SUGCT: variants seen among roughly 807,000 people sequenced by gnomAD.
SUGCT encodes succinyl-CoA:glutarate-CoA transferase, also known as succinyl-CoA:glutarate CoA-transferase.
In SUGCT, 41 loss-of-function variants were observed where a neutral mutation model predicts 55.0. The observed-to-expected ratio is 0.74, with a 90% CI of 0.58 to 0.97. The LOEUF (loss-of-function observed/expected upper bound fraction) is 0.97, where lower values mean the gene tolerates loss of function less well. Ranked by LOEUF, SUGCT falls within the 50% of genes least tolerant of loss-of-function variation. SUGCT has a pLI of 0.00. For synonymous variants in SUGCT, 187 were observed against 200.4 expected (o/e 0.93, Z 0.56); for missense variants, 568 against 547.8 (o/e 1.04, Z -0.37).
At chr7:40,709,369 T>C (rs1354912684) in intron 12 of SUGCT, among the ~76,000 whole-genome samples, 2 of 152,170 alleles carry the variant, frequency 1.3e-5, no homozygotes, top group Non-Finnish European at 2.9e-5. Flanking sequence ...CAGGATTTAA[T>C]GAGGGAGCAG....
chr7:40,370,638 G>C (rs1399075214), intron 9 of SUGCT, among the ~76,000 whole-genome samples: 1 of 144,840 alleles, frequency 6.9e-6, no homozygotes, highest in African/African-American at 2.5e-5. Context: ...GAGAGAGAGT[G>C]GGGGACAGAG....
intron 12 of SUGCT, among the ~76,000 whole-genome samples, chr7:40,727,995 G>A (rs866294420): frequency 3.3e-5 from 5 of 152,180 alleles, no homozygotes; most frequent in Middle Eastern, 6.8e-3. Context: ...TTACCAATTA[G>A]ATACTACAAG....
At chr7:40,341,550 A>G (rs1429053308) in intron 9 of SUGCT, among the ~76,000 whole-genome samples, 1 of 152,236 alleles carries the variant, frequency 6.6e-6, no homozygotes, top group African/African-American at 2.4e-5. Context: ...CACACAATGA[A>G]GTTTCTAAAG....
At chr7:40,694,191 G>C (rs1412086364) in intron 12 of SUGCT, among the ~76,000 whole-genome samples, 1 of 152,192 alleles carries the variant, frequency 6.6e-6, no homozygotes, top group Non-Finnish European at 1.5e-5. Context: ...CCCCAAGTGT[G>C]AATGAGGAAG....
chr7:40,983,975 C>T, the SUGCT span, among the ~76,000 whole-genome samples: 3 of 152,052 alleles, frequency 2.0e-5, no homozygotes, highest in Admixed American at 6.6e-5. Flanking sequence ...CCTGTAGGAA[C>T]CAAGGGGGCC....
At chr7:40,234,942 A>G (rs1447100505) in intron 6 of SUGCT, among the ~76,000 whole-genome samples, 1 of 152,094 alleles carries the variant, frequency 6.6e-6, no homozygotes, top group Non-Finnish European at 1.5e-5. Context: ...AAAGAAAAAG[A>G]TAATGGTTTT....
At chr7:40,443,302 T>A (rs1245241599) in intron 9 of SUGCT, among the ~76,000 whole-genome samples, 1 of 152,196 alleles carries the variant, frequency 6.6e-6, no homozygotes, top group Non-Finnish European at 1.5e-5. Context: ...CACCACCCTG[T>A]CTTCCACAAT....
At chr7:40,649,681 G>GTAA in intron 12 of SUGCT, among the ~76,000 whole-genome samples, 1 of 152,234 alleles carries the variant, frequency 6.6e-6, no homozygotes, top group East Asian at 1.9e-4. Flanking sequence ...GAGACATAAT[G>GTAA]GTATTAATAT....
At chr7:40,376,753 T>TG (rs1784568029) in intron 9 of SUGCT, among the ~76,000 whole-genome samples, 1 of 151,582 alleles carries the variant, frequency 6.6e-6, no homozygotes. Context: ...ACTCTTTTTT[T>TG]TTTTAACAGT....
intron 8 of SUGCT, among the ~76,000 whole-genome samples, chr7:40,285,069 T>C (rs1001601562): frequency 1.3e-5 from 2 of 152,138 alleles, no homozygotes; most frequent in Non-Finnish European, 2.9e-5. Flanking sequence ...TAATTACTAG[T>C]GGGAGAATAT....
chr7:40,710,993 C>G (rs1785682822), intron 12 of SUGCT, among the ~76,000 whole-genome samples: 2 of 152,148 alleles, frequency 1.3e-5, no homozygotes, highest in Admixed American at 6.5e-5. Flanking sequence ...GTGTCGTTGC[C>G]TGAGTTGGTT....
Position 40,211,079 on chromosome 7 carries a change from C to T in SUGCT, c.484+16019C>T, listed in dbSNP as rs139664942. Among the ~76,000 whole-genome samples the T allele has an allele frequency of 9.0e-3, 1,359 of 150,724 alleles. 18 individuals carry two copies. The highest frequency in any genetic ancestry group is 0.016 in the South Asian group (78 of 4,736). On this transcript the variant is annotated intron_variant, in intron 6 of 13. Coordinates refer to ENST00000335693, the MANE Select transcript of SUGCT (RefSeq NM_001193313.2). ...GTAACCTCCACCTCCTGGGTTCAAG[C>T]GATTCTTGTGCCTGTCTCTCGAGTA...
At chr7:40,533,137 T>A (rs1794182832) in intron 12 of SUGCT, among the ~76,000 whole-genome samples, 1 of 152,160 alleles carries the variant, frequency 6.6e-6, no homozygotes, top group Non-Finnish European at 1.5e-5. Flanking sequence ...AATTTTGTGT[T>A]AAAAACAGAA....
At chr7:40,816,456 A>G (rs939245781) in intron 13 of SUGCT, among the ~76,000 whole-genome samples, 8 of 152,124 alleles carry the variant, frequency 5.3e-5, no homozygotes, top group African/African-American at 1.7e-4. Flanking sequence ...TTGGATCTCC[A>G]CTGGAAAGGT....
At chr7:40,525,096 A>G (rs1793731714) in intron 12 of SUGCT, among the ~76,000 whole-genome samples, 1 of 152,234 alleles carries the variant, frequency 6.6e-6, no homozygotes, top group Non-Finnish European at 1.5e-5. Context: ...TAAATTCAAT[A>G]TAACAGAATA....
chr7:40,189,513 AATAT>A (rs563908901), intron 4 of SUGCT, 27 bp from the exon 5 acceptor site: 22 of 812,330 alleles, frequency 2.7e-5, no homozygotes, highest in South Asian at 8.3e-5. Context: ...TCATCGAAAT[AATAT>A]ATATATATAT....
chr7:40,452,097 T>A (rs1040437123), intron 10 of SUGCT, among the ~76,000 whole-genome samples: 23 of 152,216 alleles, frequency 1.5e-4, no homozygotes, highest in African/African-American at 5.5e-4. Context: ...TTGATAATTC[T>A]TGGGGAGGAG....
At chr7:41,008,810 A>G in the SUGCT span, among the ~76,000 whole-genome samples, 1 of 150,168 alleles carries the variant, frequency 6.7e-6, no homozygotes, top group East Asian at 2.0e-4. Flanking sequence ...ACTGGGGAGG[A>G]CCTGGCAGGA....
intron 13 of SUGCT, among the ~76,000 whole-genome samples, chr7:40,780,029 G>C (rs1789654815): frequency 6.6e-6 from 1 of 152,056 alleles, no homozygotes. Flanking sequence ...AAACTCTAAT[G>C]GTTTTATTTA....
Sources: gnomAD v4.1 joint callset for allele counts (sites outside exome capture counted in the v4.1 genomes callset) on GRCh38, gnomAD v4.1.1 for gene constraint, MANE v1.5 for transcripts, NCBI Gene and HGNC (gene_info 2026-07-23, HGNC 2026-07-21) for gene names.